SMYD3: variants seen among roughly 807,000 people sequenced by gnomAD.
The protein encoded by SMYD3 is SET and MYND domain containing 3, also known as histone-lysine N-methyltransferase SMYD3.
In SMYD3, 36 loss-of-function variants were observed where a neutral mutation model predicts 57.7. That is an observed-to-expected ratio of 0.62 (90% CI 0.48 to 0.82). The LOEUF (loss-of-function observed/expected upper bound fraction) is 0.82, where lower values mean the gene tolerates loss of function less well. SMYD3 is among the 40% of genes least tolerant of loss of function. The pLI is 0.00. For synonymous variants in SMYD3, 211 were observed against 195.0 expected, an observed-to-expected ratio of 1.08 and a Z score of -0.68; for missense variants, 515 against 538.8, an observed-to-expected ratio of 0.96 and a Z score of 0.44.
At chr1:246,398,378 C>A (rs553666207) in intron 1 of SMYD3, among the ~76,000 whole-genome samples, 1 of 152,338 alleles carries the variant, frequency 6.6e-6, no homozygotes, top group African/African-American at 2.4e-5. Flanking sequence ...AAGGACAGCC[C>A]GCCTGTGAGC....
At position 245,839,997 on chromosome 1, in the gene SMYD3, G is replaced by C. The variant is rs935565374; in HGVS notation, c.1076+18499C>G. ...TAAGTTTCCTAAGAGATAAAATTTT[G>C]ATTAAATGTCTGCACAATGAAGTCA... On this transcript the variant is annotated intron_variant, in intron 10 of 11. Coordinates refer to ENST00000490107, the MANE Select transcript of SMYD3 (RefSeq NM_001167740.2). Among the ~76,000 whole-genome samples, 4 of 152,266 alleles carry C rather than the reference G, an allele frequency of 2.6e-5. No individual in the cohort carries two copies. In the South Asian group the frequency reaches 8.3e-4, roughly 32 times the overall value.
At chr1:246,160,783 T>A (rs1178865301) in intron 5 of SMYD3, among the ~76,000 whole-genome samples, 1 of 152,226 alleles carries the variant, frequency 6.6e-6, no homozygotes, top group Non-Finnish European at 1.5e-5. Flanking sequence ...GTGAGGATTC[T>A]GTGGGTGACT....
intron 10 of SMYD3, among the ~76,000 whole-genome samples, chr1:245,813,005 CTTTTTTTTTTTTT>C (rs770448717): frequency 0.01 from 760 of 75,662 alleles, 16 homozygotes; most frequent in African/African-American, 0.036. Context: ...GAGACAGCTT[CTTTTTTTTTTTTT>C]TTTTTTTTTT....
chr1:246,296,447 T>C (rs1052010985), intron 5 of SMYD3, among the ~76,000 whole-genome samples: 1 of 152,220 alleles, frequency 6.6e-6, no homozygotes, highest in African/African-American at 2.4e-5. Flanking sequence ...AGAAAATACC[T>C]ACATTCATGA....
intron 5 of SMYD3, among the ~76,000 whole-genome samples, chr1:246,010,799 G>A (rs567584042): frequency 3.3e-5 from 5 of 152,296 alleles, no homozygotes; most frequent in Non-Finnish European, 4.4e-5. Context: ...ATGGATATCT[G>A]CGTCATCTAT....
intron 1 of SMYD3, among the ~76,000 whole-genome samples, chr1:246,452,721 C>T (rs2039706): frequency 0.39 from 59,355 of 152,004 alleles, 13,177 homozygotes; most frequent in East Asian, 0.63. Flanking sequence ...TAAGTAGATG[C>T]CAAATAGACA....
In SMYD3 at chr1:246,203,768, TCTC is replaced by T. The variant is rs1432326783; in HGVS notation, c.531+123430_531+123432del. 4.6e-5 allele frequency among the ~76,000 whole-genome samples: 7 copies of T among 152,274 alleles called. No individual in the cohort carries two copies. In the South Asian group the frequency reaches 8.3e-4, roughly 18 times the overall value. On this transcript the variant is annotated intron_variant, in intron 5 of 11. Coordinates refer to ENST00000490107, the MANE Select transcript of SMYD3 (RefSeq NM_001167740.2). This position sits in a 1 kb window ranked among gnomAD's most constrained non-coding sequence, Gnocchi z 4.6. ...AGTTCAGCCCAGAACACACTCTCCT[TCTC>T]CTGGGTTTCTCACTTGCTCCTGGCT...
chr1:245,776,588 T>A (rs1041040489), intron 10 of SMYD3, among the ~76,000 whole-genome samples: 1 of 152,226 alleles, frequency 6.6e-6, no homozygotes, highest in Non-Finnish European at 1.5e-5. Flanking sequence ...TACTGGTACT[T>A]TATTGAAATC....
chr1:246,256,996 T>C (rs2063906716), intron 5 of SMYD3, among the ~76,000 whole-genome samples: 1 of 152,252 alleles, frequency 6.6e-6, no homozygotes, highest in African/African-American at 2.4e-5. Context: ...TACTGATTTC[T>C]ATTTTTATTC....
chr1:246,016,627 T>C (rs919731378), intron 5 of SMYD3, among the ~76,000 whole-genome samples: 1 of 151,870 alleles, frequency 6.6e-6, no homozygotes, highest in East Asian at 1.9e-4. Context: ...ACAACAGCAT[T>C]ACCTGTGAAA....
Position 246,041,628 on chromosome 1 carries a change from T to C in SMYD3, c.532-111691A>G, listed in dbSNP as rs144275143. ...GGTAAACTCAGCAATGTTCATACTC[T>C]CTAAGTAGGTAACGCTAAAGGAAGA... On this transcript the variant is annotated intron_variant, in intron 5 of 11. Transcript: ENST00000490107. Among the ~76,000 whole-genome samples, 620 of 152,238 alleles carry C rather than the reference T, an allele frequency of 4.1e-3. 7 individuals are homozygous for C. Among genetic ancestry groups the C allele is most frequent in the African/African-American group, 0.014 (573 of 41,536 alleles).
At chr1:246,099,059 G>C (rs184688935) in intron 5 of SMYD3, among the ~76,000 whole-genome samples, 1 of 152,030 alleles carries the variant, frequency 6.6e-6, no homozygotes, top group African/African-American at 2.4e-5. Flanking sequence ...TAATGCTAGA[G>C]ACCTACAATA....
intron 4 of SMYD3, among the ~76,000 whole-genome samples, chr1:246,328,543 C>T (rs977489106): frequency 2.0e-5 from 3 of 152,154 alleles, no homozygotes; most frequent in African/African-American, 4.8e-5. Flanking sequence ...AGTTGAACTA[C>T]AGCATAACTC....
chr1:246,101,069 TTG>T (rs869252590), intron 5 of SMYD3, among the ~76,000 whole-genome samples: 1,239 of 42,300 alleles, frequency 0.029, 119 homozygotes, highest in African/African-American at 0.038. Context: ...TAGGGGTTTT[TTG>T]TTTTTTTTTT....
At chr1:246,200,859 CA>C (rs1207451500) in intron 5 of SMYD3, among the ~76,000 whole-genome samples, 3 of 152,160 alleles carry the variant, frequency 2.0e-5, no homozygotes, top group African/African-American at 7.2e-5. Context: ...GTCATGATAT[CA>C]AACCTAGGTC....
At chr1:246,233,491 C>A (rs1245788144) in intron 5 of SMYD3, among the ~76,000 whole-genome samples, 8 of 117,662 alleles carry the variant, frequency 6.8e-5, no homozygotes, top group African/African-American at 2.2e-4. Flanking sequence ...AGAAGCACTC[C>A]TCAATTCACA....
chr1:245,883,401 C>T (rs959714666), intron 8 of SMYD3, among the ~76,000 whole-genome samples: 1 of 152,290 alleles, frequency 6.6e-6, no homozygotes, highest in East Asian at 1.9e-4. Flanking sequence ...AAACCCACAA[C>T]ATCCCGTAAT....
chr1:246,470,670 G>A (rs969689731), intron 1 of SMYD3, among the ~76,000 whole-genome samples: 5 of 150,890 alleles, frequency 3.3e-5, no homozygotes, highest in Admixed American at 2.6e-4. Flanking sequence ...CAGTGCATAT[G>A]TGTGTATATA....
intron 10 of SMYD3, among the ~76,000 whole-genome samples, chr1:245,795,114 G>C (rs2047466490): frequency 6.6e-6 from 1 of 152,026 alleles, no homozygotes; most frequent in Non-Finnish European, 1.5e-5. Flanking sequence ...CCCCACAAGT[G>C]CCTACGCCCT....
Sources: allele counts gnomAD v4.1 joint callset (sites outside exome capture counted in the v4.1 genomes callset), GRCh38; gene constraint gnomAD v4.1.1; non-coding constraint Gnocchi (gnomAD v3.1); transcripts MANE v1.5; gene names NCBI Gene and HGNC (gene_info 2026-07-23, HGNC 2026-07-21).